Variants in SLC25A33 observed in about 807,000 individuals in gnomAD.
SLC25A33 encodes solute carrier family 25 member 33.
SLC25A33 carries 15 observed loss-of-function variants against 35.5 expected under a neutral mutation model. The observed-to-expected ratio is 0.42, with a 90% CI of 0.28 to 0.65. The LOEUF (loss-of-function observed/expected upper bound fraction) is 0.65. SLC25A33 is among the 30% of genes least tolerant of loss of function. SLC25A33 has a pLI of 0.20. For synonymous variants in SLC25A33, 136 were observed against 148.7 expected, an observed-to-expected ratio of 0.91 and a Z score of 0.62; for missense variants, 257 against 398.5, an observed-to-expected ratio of 0.64 and a Z score of 3.02.
intron 2 of SLC25A33, chr1:9,556,112 C>G (rs1003863738): frequency 1.2e-6 from 1 of 818,778 alleles, no homozygotes; most frequent in Non-Finnish European, 1.5e-6. Context: ...AGGACAGATC[C>G]GAGTCCATGG....
In SLC25A33 at chr1:9,582,179, T is replaced by G. The variant is rs1441318572; in HGVS notation, c.764-120T>G. On this transcript the variant is annotated intron_variant, in intron 6 of 6. Coordinates refer to ENST00000302692, the MANE Select transcript of SLC25A33 (RefSeq NM_032315.3). The surrounding 1 kb of genome is among the most constrained non-coding windows in gnomAD (Gnocchi z 4.0). The stretch of plus-strand genomic sequence containing the variant: ...TCCACCCGCCTCGGCCTCCCAAAGT[T>G]CTGGGATTACAGGTGTGAGCCACCG... 1.9e-5 allele frequency: 20 copies of G among 1,043,782 alleles called. No homozygotes were observed. The highest frequency in any genetic ancestry group is 7.5e-5 in the East Asian group (3 of 39,934). 64.7% of individuals were successfully genotyped at this position (1,043,782 alleles called of 1,614,324 possible). A position where few individuals can be genotyped will look rare whatever the true frequency, so the allele number is the denominator to read the frequency against.
intron 2 of SLC25A33, among the ~76,000 whole-genome samples, chr1:9,559,416 G>A (rs192505088): frequency 6.6e-6 from 1 of 151,942 alleles, no homozygotes; most frequent in African/African-American, 2.4e-5. Flanking sequence ...CATATAAAGG[G>A]CTTAACACCC....
chr1:9,539,907 A>C (rs1409583128), intron 1 of SLC25A33, among the ~76,000 whole-genome samples, 160 bp downstream of exon 1: 1 of 151,936 alleles, frequency 6.6e-6, no homozygotes. Context: ...ACTGGTGGGC[A>C]GGGCCGAGGG....
At chr1:9,550,011 A>ATATATATT (rs754618497) in intron 1 of SLC25A33, among the ~76,000 whole-genome samples, 44 of 48,866 alleles carry the variant, frequency 9.0e-4, no homozygotes, top group African/African-American at 1.8e-3. Flanking sequence ...ATATATATAT[A>ATATATATT]TTTTTTTTTT....
chr1:9,567,326 C>T lies in SLC25A33; in HGVS notation c.279C>T (p.Gly93=), dbSNP rs918615836. Reference sequence around the variant, plus strand: ...AGGGACCAAAGTCACTTTTTAGAGGCTTGGGTCCAAATTTGGTTGGAGTTG... The same window carrying T: ...AGGGACCAAAGTCACTTTTTAGAGGTTTGGGTCCAAATTTGGTTGGAGTTG... ...EKEGPKSLFR[G]LGPNLVGVAP... is the part of the protein sequence containing the mutation. The change falls in exon 3 of 7, where the codon GGC becomes GGT. Residue 93 remains glycine (G), a synonymous_variant. Transcript: ENST00000302692. 6.2e-7 allele frequency: 1 copy of T among 1,613,822 alleles called. No individual in the cohort carries two copies. Among genetic ancestry groups the T allele is most frequent in the Non-Finnish European group, 8.5e-7 (1 of 1,179,962 alleles).
intron 5 of SLC25A33, 151 bp from the exon 6 acceptor site, chr1:9,579,803 T>C: frequency 1.1e-6 from 1 of 947,974 alleles, no homozygotes; most frequent in Admixed American, 3.0e-5. Context: ...ACACCCCACA[T>C]AACGAAAGAC....
Position 9,582,306 on chromosome 1 carries a change from A to G in SLC25A33, c.771A>G (p.Ile257Met), listed in dbSNP as rs1643756908. The G allele has an allele frequency of 9.3e-6, 15 of 1,613,984 alleles. No individual in the cohort carries two copies. The highest frequency in any genetic ancestry group is 1.3e-5 in the Non-Finnish European group (15 of 1,179,872). The change falls in exon 7 of 7, where the codon ATA becomes ATG. Residue 257 changes from isoleucine to methionine, a missense_variant. Ile to Met is a conservative substitution (Grantham distance 10, BLOSUM62 1). Coordinates refer to ENST00000302692, the MANE Select transcript of SLC25A33 (RefSeq NM_032315.3). This position sits in a 1 kb window ranked among gnomAD's most constrained non-coding sequence, Gnocchi z 4.0. ...GTCTTTCTCTCTCTGCAGAAGTCAT[A>G]AGGACGAGGCTCCGGGAAGAGGGCA... Reference protein sequence around the residue: ...ASCIAYPHEVIRTRLREEGTK... With the variant: ...ASCIAYPHEVMRTRLREEGTK...
intron 2 of SLC25A33, among the ~76,000 whole-genome samples, chr1:9,565,200 G>A (rs573814025): frequency 4.6e-4 from 70 of 152,234 alleles, no homozygotes; most frequent in Admixed American, 7.9e-4. Context: ...CAACAGTGTG[G>A]ATGTACTTAA....
intron 3 of SLC25A33, among the ~76,000 whole-genome samples, chr1:9,569,483 C>A (rs1044087365): frequency 1.3e-5 from 2 of 152,096 alleles, no homozygotes; most frequent in African/African-American, 2.4e-5. Flanking sequence ...TACAGTGTAA[C>A]CCTGGTAACC....
intron 1 of SLC25A33, among the ~76,000 whole-genome samples, chr1:9,544,830 C>CATGT (rs1385652602): frequency 3.9e-5 from 6 of 152,118 alleles, no homozygotes; most frequent in African/African-American, 1.4e-4. Context: ...GCCCGATATG[C>CATGT]ATGTATGCAT....
intron 2 of SLC25A33, among the ~76,000 whole-genome samples, chr1:9,565,814 C>T (rs1240574293): frequency 6.6e-6 from 1 of 150,602 alleles, no homozygotes; most frequent in Non-Finnish European, 1.5e-5. Flanking sequence ...GGAGGCGGAG[C>T]TTGCAGTGAG....
At chr1:9,570,626 T>G (rs1643575208) in intron 4 of SLC25A33, among the ~76,000 whole-genome samples, 1 of 152,050 alleles carries the variant, frequency 6.6e-6, no homozygotes, top group Non-Finnish European at 1.5e-5. Context: ...TAAAGGAATA[T>G]TCATAGGTTT....
In SLC25A33 at chr1:9,580,279, C is replaced by T. The variant is rs191411178; in HGVS notation, c.763+45C>T. 7,229 of 1,591,100 alleles carry T rather than the reference C, an allele frequency of 4.5e-3. 22 individuals carry two copies. The highest frequency in any genetic ancestry group is 5.2e-3 in the Non-Finnish European group (6,140 of 1,169,872). ...TTCCAGAGCAGTAAAACAGCTGTCACGTTTGTTGTTTGTGGGTATATCTAG... is the reference window on the plus strand; with the variant it reads ...TTCCAGAGCAGTAAAACAGCTGTCATGTTTGTTGTTTGTGGGTATATCTAG... On this transcript the variant is annotated intron_variant, in intron 6 of 6. Transcript: ENST00000302692.
rs550067186 is a variant in SLC25A33 at position 9,553,203 on chromosome 1, G to GTTTT, written c.57-402_57-399dup. ...TTAACCTTTATTGTGTTCTAGTTTT[G>GTTTT]TTTTTTTTTTTTTTTTTTTTTTTTG... On this transcript the variant is annotated intron_variant, in intron 1 of 6. Transcript: ENST00000302692. Among the ~76,000 whole-genome samples the GTTTT allele has an allele frequency of 1.9e-4, 11 of 56,492 alleles. No individual in the cohort carries two copies. In the South Asian group the frequency reaches 6.9e-3, roughly 35 times the overall value. The allele number at this position is 56,492 out of a possible 152,430, so 37.1% of individuals were successfully genotyped here.
chr1:9,549,381 G>A (rs944666993), intron 1 of SLC25A33, among the ~76,000 whole-genome samples: 15 of 122,260 alleles, frequency 1.2e-4, no homozygotes, highest in African/African-American at 4.0e-4. Context: ...CTGATGGTGG[G>A]ATCAATGGGG....
intron 2 of SLC25A33, among the ~76,000 whole-genome samples, chr1:9,564,725 TAAAAAA>T (rs1553146726): frequency 2.0e-4 from 19 of 94,480 alleles, no homozygotes; most frequent in East Asian, 8.2e-4. Context: ...CGTCTCTATT[TAAAAAA>T]AAAAAAAAAT....
intron 3 of SLC25A33, among the ~76,000 whole-genome samples, chr1:9,568,055 TC>T (rs2100400149): frequency 6.6e-6 from 1 of 152,356 alleles, no homozygotes; most frequent in South Asian, 2.1e-4. Flanking sequence ...GGCAGAAAGT[TC>T]TCTTGGATAG....
At chr1:9,567,427 A>T in intron 3 of SLC25A33, 66 bp downstream of exon 3, 1 of 1,423,876 alleles carries the variant, frequency 7.0e-7, no homozygotes, top group African/African-American at 1.4e-5. Flanking sequence ...TTTCTTACCA[A>T]AGGGTGATGC....
At position 9,580,195 on chromosome 1, in the gene SLC25A33, C is replaced by A. The variant is rs35819756; in HGVS notation, c.724C>A (p.Leu242Ile). The A allele has an allele frequency of 4.4e-3, 7,085 of 1,610,466 alleles. 297 individuals carry two copies. In the African/African-American group the frequency reaches 0.086, roughly 20 times the overall value. ...TTTTGGACTTATGGCAGCTGCTGCT[C>A]TTTCTAAGGGCTGTGCCTCCTGCAT... ...SFFGLMAAAA[L>I]SKGCASCIAY... Residue 242 changes from leucine (L) to isoleucine (I), a missense_variant, in exon 6 of 7, where the codon CTT (leucine) becomes ATT (isoleucine). Transcript: ENST00000302692.
Sources: gnomAD v4.1 joint callset for allele counts (sites outside exome capture counted in the v4.1 genomes callset) on GRCh38, gnomAD v4.1.1 for gene constraint, Gnocchi (gnomAD v3.1) non-coding constraint, MANE v1.5 for transcripts, NCBI Gene and HGNC (gene_info 2026-07-23, HGNC 2026-07-21) for gene names.